The following MAP4K5 variants were observed in gnomAD, a reference collection of about 807,000 sequenced individuals.
The protein encoded by MAP4K5 is MAPK/ERK kinase kinase kinase 5.
In MAP4K5, 82 loss-of-function variants were observed where a neutral mutation model predicts 135.6. The observed-to-expected ratio is 0.60, with a 90% CI of 0.51 to 0.73. MAP4K5 has a LOEUF of 0.73. Among genes scored for constraint, MAP4K5 ranks in the 30% least tolerant of loss-of-function variants. The pLI, the probability that MAP4K5 is intolerant of heterozygous loss-of-function variation, is 0.00. For synonymous variants in MAP4K5, 347 were observed against 335.0 expected, an observed-to-expected ratio of 1.04 and a Z score of -0.39; for missense variants, 907 against 1,010.9, an observed-to-expected ratio of 0.90 and a Z score of 1.39.
At chr14:50,434,883 AT>A in intron 27 of MAP4K5, 78 bp downstream of exon 27, 1 of 804,634 alleles carries the variant, frequency 1.2e-6, no homozygotes, top group Non-Finnish European at 2.0e-6. Context: ...AGATAGTAGT[AT>A]TGGGATCTGC....
intron 2 of MAP4K5, among the ~76,000 whole-genome samples, chr14:50,531,014 T>A (rs949762785): frequency 3.9e-5 from 6 of 152,196 alleles, no homozygotes; most frequent in Non-Finnish European, 8.8e-5. Flanking sequence ...ATGCGATATA[T>A]ATCATGATCA....
At chr14:50,429,920 AAC>A (rs1252815270) in intron 28 of MAP4K5, among the ~76,000 whole-genome samples, 3 of 152,184 alleles carry the variant, frequency 2.0e-5, no homozygotes, top group Non-Finnish European at 4.4e-5. Flanking sequence ...TTTTTGATAA[AAC>A]AATGCATTTT....
intron 13 of MAP4K5, among the ~76,000 whole-genome samples, chr14:50,461,027 A>AT (rs2036700322): frequency 6.6e-6 from 1 of 152,006 alleles, no homozygotes; most frequent in African/African-American, 2.4e-5. Context: ...TTACTATAAT[A>AT]TTTATTTATT....
chr14:50,471,797 G>T (rs893725193), intron 9 of MAP4K5: 2 of 152,138 alleles, frequency 1.3e-5, no homozygotes, highest in African/African-American at 4.8e-5. Flanking sequence ...AAACATGAAA[G>T]AAATAATACT....
At chr14:50,544,587 A>G (rs1365136829) in intron 1 of MAP4K5, among the ~76,000 whole-genome samples, 1 of 152,140 alleles carries the variant, frequency 6.6e-6, no homozygotes, top group African/African-American at 2.4e-5. Flanking sequence ...TCTGCTTCTG[A>G]TGTGACTAGA....
chr14:50,544,970 A>G (rs1414660099), intron 1 of MAP4K5, among the ~76,000 whole-genome samples: 1 of 150,184 alleles, frequency 6.7e-6, no homozygotes, highest in Non-Finnish European at 1.5e-5. Context: ...AAAGAAGCCA[A>G]CTATAATGTA....
chr14:50,439,167 AAC>A (rs1252592052), intron 23 of MAP4K5, among the ~76,000 whole-genome samples: 2 of 151,878 alleles, frequency 1.3e-5, no homozygotes, highest in Admixed American at 1.3e-4. Flanking sequence ...GCTCTCCATA[AAC>A]AGTGTTATTA....
At chr14:50,468,614 T>C in intron 10 of MAP4K5, 37 bp downstream of exon 10, 1 of 1,603,504 alleles carries the variant, frequency 6.2e-7, no homozygotes, top group African/African-American at 1.3e-5. Flanking sequence ...CCCATAGACT[T>C]GATCAATAAC....
chr14:50,545,449 G>A (rs1483524534), intron 1 of MAP4K5, among the ~76,000 whole-genome samples: 2 of 152,186 alleles, frequency 1.3e-5, no homozygotes, highest in Non-Finnish European at 1.5e-5. Context: ...CAGGGTGGTC[G>A]ACGGCATCCA....
intron 23 of MAP4K5, 141 bp from the exon 24 acceptor site, chr14:50,438,235 A>C: frequency 2.1e-6 from 1 of 484,946 alleles, no homozygotes; most frequent in Non-Finnish European, 3.7e-6. Context: ...CAGAATATAT[A>C]AATTAGGTAC....
chr14:50,468,673 T>G lies in MAP4K5; in HGVS notation c.652A>C (p.Met218Leu). Residue 218 changes from methionine to leucine, a missense_variant, in exon 10 of 33, where the codon ATG (methionine) becomes CTG (leucine). Physicochemically the swap from Met to Leu is conservative, Grantham distance 15. Around this residue, in one of 3 missense-constraint regions of MAP4K5, gnomAD observed 690 missense variants for 777.4 expected, o/e 0.89. Coordinates refer to ENST00000682126, the MANE Select transcript of MAP4K5 (RefSeq NM_006575.6). The stretch of plus-strand genomic sequence containing the variant: ...CACCTCATTGGGTGGAGATCAAACA[T>G]AGGTGGCTGAAGTTCTCCAAGTTCA... ...AIELGELQPP[M>L]FDLHPMRALF... 1 of 1,613,474 alleles carries G rather than the reference T, an allele frequency of 6.2e-7. No homozygotes were observed. Among genetic ancestry groups the G allele is most frequent in the Non-Finnish European group, 8.5e-7 (1 of 1,179,566 alleles).
chr14:50,442,850 G>C (rs769473105), intron 20 of MAP4K5, 34 bp from the exon 21 acceptor site: 6 of 1,275,680 alleles, frequency 4.7e-6, no homozygotes, highest in Non-Finnish European at 6.6e-6. Context: ...TAACTTATTT[G>C]ATTAGAAAAT....
At chr14:50,545,569 G>A (rs888023920) in intron 1 of MAP4K5, among the ~76,000 whole-genome samples, 2 of 152,182 alleles carry the variant, frequency 1.3e-5, no homozygotes, top group African/African-American at 4.8e-5. Flanking sequence ...GACCTAAGAT[G>A]TTAAAGTACA....
intron 6 of MAP4K5, among the ~76,000 whole-genome samples, chr14:50,479,098 T>C (rs2037176043): frequency 6.6e-6 from 1 of 151,808 alleles, no homozygotes; most frequent in Non-Finnish European, 1.5e-5. Flanking sequence ...TCATCAAGTA[T>C]GGACAATTTT....
Position 50,482,362 on chromosome 14 carries a change from T to TA in MAP4K5, c.376_377insT (p.Gln126LeufsTer9), listed in dbSNP as rs2037263014. On this transcript the variant is annotated frameshift_variant and splice_region_variant, in exon 6 of 33. Transcript: ENST00000682126. LOFTEE classifies it high-confidence loss of function. The stretch of plus-strand genomic sequence containing the variant: ...AACTATATTAAGAAAATATAGTACC[T>TA]GTAAGGTTTCTCTGCATACATAGGC... 1.3e-6 allele frequency: 2 copies of TA among 1,502,506 alleles called. No individual in the cohort carries two copies. Among genetic ancestry groups the TA allele is most frequent in the Non-Finnish European group, 1.8e-6 (2 of 1,125,832 alleles). 93.1% of individuals were successfully genotyped at this position (1,502,506 alleles called of 1,614,324 possible). A position where few individuals can be genotyped will look rare whatever the true frequency, so the allele number is the denominator to read the frequency against.
intron 26 of MAP4K5, among the ~76,000 whole-genome samples, chr14:50,436,540 C>A (rs895777473): frequency 6.7e-6 from 1 of 149,478 alleles, no homozygotes; most frequent in East Asian, 2.0e-4. Flanking sequence ...GCAAGGTGGT[C>A]AATCAATCAT....
rs1595411986 is a variant in MAP4K5 at position 50,423,301 on chromosome 14, A to G, written c.2398-125T>C. ...TTTTGGTAGACTTAATTCCTCAAAT[A>G]AAAGAAATTTTAGTAAGTTTTTTGA... On this transcript the variant is annotated intron_variant, in intron 31 of 32. Transcript: ENST00000682126. The G allele has an allele frequency of 5.8e-6, 3 of 517,862 alleles. No homozygotes were observed. In the East Asian group the frequency reaches 8.9e-5, roughly 15 times the overall value. The allele number at this position is 517,862 out of a possible 1,614,324, so 32.1% of individuals were successfully genotyped here.
At chr14:50,468,096 T>C (rs1254209148) in intron 10 of MAP4K5, among the ~76,000 whole-genome samples, 2 of 152,114 alleles carry the variant, frequency 1.3e-5, no homozygotes, top group African/African-American at 4.8e-5. Context: ...ATGATAATTA[T>C]ATTCAGCATA....
chr14:50,461,364 GA>G (rs2036707349), intron 13 of MAP4K5, among the ~76,000 whole-genome samples: 2 of 151,580 alleles, frequency 1.3e-5, no homozygotes, highest in South Asian at 4.2e-4. Flanking sequence ...ATTTAAAGCT[GA>G]AAAACAGGAA....
Sources: gnomAD v4.1 joint callset for allele counts (sites outside exome capture counted in the v4.1 genomes callset) on GRCh38, gnomAD v4.1.1 for gene constraint, gnomAD v4.1.1 regional missense constraint, MANE v1.5 for transcripts, NCBI Gene and HGNC (gene_info 2026-07-23, HGNC 2026-07-21) for gene names.